LRRTM4: variants seen among roughly 807,000 people sequenced by gnomAD.
LRRTM4 encodes the protein leucine-rich repeat transmembrane neuronal protein 4.
Under a neutral mutation model 47.6 loss-of-function variants are expected in LRRTM4, and 25 were observed. The observed-to-expected ratio is 0.53, with a 90% CI of 0.38 to 0.73. The LOEUF is 0.73. LRRTM4 is among the 30% of genes least tolerant of loss of function. The pLI, the probability that LRRTM4 is intolerant of heterozygous loss-of-function variation, is 0.00. For synonymous variants in LRRTM4, 311 were observed against 269.5 expected (o/e 1.15, Z -1.51); for missense variants, 638 against 713.4 (o/e 0.89, Z 1.20).
intron 3 of LRRTM4, among the ~76,000 whole-genome samples, chr2:76,973,105 A>G (rs1676278470): frequency 6.6e-6 from 1 of 151,998 alleles, no homozygotes; most frequent in East Asian, 1.9e-4. Context: ...ATCATCAAGT[A>G]AGATATAAAT....
chr2:76,845,989 A>C (rs1573203149), intron 3 of LRRTM4, among the ~76,000 whole-genome samples: 1 of 152,182 alleles, frequency 6.6e-6, no homozygotes, highest in African/African-American at 2.4e-5. Context: ...TTTCAACCCA[A>C]TGCAGATGGA....
intron 3 of LRRTM4, among the ~76,000 whole-genome samples, chr2:76,888,995 A>G (rs1024764648): frequency 6.6e-6 from 1 of 151,922 alleles, no homozygotes; most frequent in African/African-American, 2.4e-5. Context: ...AAGGTAGCCT[A>G]TGTACTTAAA....
intron 3 of LRRTM4, among the ~76,000 whole-genome samples, chr2:77,007,435 G>A (rs1677698465): frequency 6.6e-6 from 1 of 152,232 alleles, no homozygotes; most frequent in Non-Finnish European, 1.5e-5. Context: ...TTGGCTATAT[G>A]ACCAAATTTC....
intron 3 of LRRTM4, among the ~76,000 whole-genome samples, chr2:77,463,589 A>G (rs1259402282): frequency 1.3e-5 from 2 of 152,074 alleles, no homozygotes; most frequent in Admixed American, 6.6e-5. Flanking sequence ...GAGAATAGCA[A>G]CCATATTTTC....
At chr2:77,085,235 A>G (rs971256028) in intron 3 of LRRTM4, among the ~76,000 whole-genome samples, 4 of 152,114 alleles carry the variant, frequency 2.6e-5, no homozygotes, top group African/African-American at 9.6e-5. Context: ...TAAATCATAT[A>G]AACTTTTTGA....
intron 3 of LRRTM4, among the ~76,000 whole-genome samples, chr2:76,935,710 C>G (rs1029123705): frequency 4.6e-5 from 7 of 152,144 alleles, no homozygotes; most frequent in Non-Finnish European, 7.4e-5. Context: ...TGAGACTTTG[C>G]TGAAGTTGCT....
At chr2:77,098,270 T>C (rs1270201706) in intron 3 of LRRTM4, among the ~76,000 whole-genome samples, 1 of 152,022 alleles carries the variant, frequency 6.6e-6, no homozygotes. Context: ...ATTACACCAG[T>C]GTGGTAATCA....
chr2:77,457,002 GTGTATATATATATATATA>G (rs1377604081), intron 3 of LRRTM4, among the ~76,000 whole-genome samples: 9 of 12,590 alleles, frequency 7.1e-4, no homozygotes, highest in African/African-American at 2.6e-3. Flanking sequence ...ATGTGTGTGT[GTGTATATATATATATATA>G]TATATATATA....
intron 3 of LRRTM4, among the ~76,000 whole-genome samples, chr2:76,915,546 G>C (rs111968546): frequency 2.0e-5 from 3 of 152,136 alleles, no homozygotes; most frequent in African/African-American, 4.8e-5. Flanking sequence ...CCTACCCGAT[G>C]TTCTGGGTTC....
At chr2:76,855,004 T>C (rs1053167483) in intron 3 of LRRTM4, among the ~76,000 whole-genome samples, 2 of 151,876 alleles carry the variant, frequency 1.3e-5, no homozygotes, top group Non-Finnish European at 2.9e-5. Flanking sequence ...TAGTAATAAA[T>C]AAGAAGGTCC....
At chr2:77,181,548 G>A (rs2860943) in intron 3 of LRRTM4, among the ~76,000 whole-genome samples, 82,602 of 151,896 alleles carry the variant, frequency 0.54, 23,361 homozygotes, top group East Asian at 0.63. Flanking sequence ...AAGATTTTAG[G>A]TATAAAAGTA....
chr2:77,386,672 G>A (rs989903127), intron 3 of LRRTM4, among the ~76,000 whole-genome samples: 13 of 152,150 alleles, frequency 8.5e-5, no homozygotes, highest in South Asian at 6.2e-4. Flanking sequence ...TTGAGGAATC[G>A]CCACACTGTC....
intron 3 of LRRTM4, among the ~76,000 whole-genome samples, chr2:77,179,670 G>A (rs912952726): frequency 1.4e-4 from 22 of 152,118 alleles, no homozygotes; most frequent in African/African-American, 5.3e-4. Context: ...TAATAAGGTT[G>A]ATTCGGGCTT....
chr2:77,356,828 A>G (rs956393602), intron 3 of LRRTM4, among the ~76,000 whole-genome samples: 1 of 152,136 alleles, frequency 6.6e-6, no homozygotes, highest in Non-Finnish European at 1.5e-5. Context: ...CGGTTTTCCT[A>G]TATGCACACA....
At chr2:77,409,307 T>C (rs1251356342) in intron 3 of LRRTM4, among the ~76,000 whole-genome samples, 1 of 152,198 alleles carries the variant, frequency 6.6e-6, no homozygotes, top group Non-Finnish European at 1.5e-5. Flanking sequence ...TTCTATTTTC[T>C]TACGGTTCTA....
At chr2:77,048,661 TG>T (rs1433644723) in intron 3 of LRRTM4, among the ~76,000 whole-genome samples, 1 of 151,930 alleles carries the variant, frequency 6.6e-6, no homozygotes, top group East Asian at 1.9e-4. Flanking sequence ...GATAACTATA[TG>T]TTTTTTATGG....
At chr2:76,818,233 C>A (rs1031372987) in intron 3 of LRRTM4, among the ~76,000 whole-genome samples, 2 of 151,782 alleles carry the variant, frequency 1.3e-5, no homozygotes, top group Non-Finnish European at 2.9e-5. Flanking sequence ...TAAATGTTTT[C>A]TTTATACGTA....
intron 3 of LRRTM4, among the ~76,000 whole-genome samples, chr2:77,068,390 C>T (rs10185065): frequency 0.15 from 23,085 of 151,980 alleles, 2,596 homozygotes; most frequent in East Asian, 0.42. Flanking sequence ...TATACTATCA[C>T]CACTGTCTAA....
At chr2:77,006,324 T>A (rs944317850) in intron 3 of LRRTM4, among the ~76,000 whole-genome samples, 2 of 152,124 alleles carry the variant, frequency 1.3e-5, no homozygotes, top group Admixed American at 6.6e-5. Flanking sequence ...AAATAAGATG[T>A]TTTCTAAATT....
Sources: allele counts gnomAD v4.1 joint callset (sites outside exome capture counted in the v4.1 genomes callset), GRCh38; gene constraint gnomAD v4.1.1; transcripts MANE v1.5; gene names NCBI Gene and HGNC (gene_info 2026-07-23, HGNC 2026-07-21).